ADTRP: variants seen among roughly 807,000 people sequenced by gnomAD.
ADTRP encodes androgen dependent TFPI regulating protein.
Under a neutral mutation model 27.0 loss-of-function variants are expected in ADTRP, and 20 were observed. The ratio of observed to expected loss-of-function variants is 0.74; its 90% CI spans 0.52 to 1.08. The LOEUF is 1.08. Ranked by LOEUF, ADTRP falls within the 50% of genes least tolerant of loss-of-function variation. ADTRP has a pLI of 0.00. For synonymous variants in ADTRP, 101 were observed against 105.2 expected (o/e 0.96, Z 0.25); for missense variants, 251 against 275.0 (o/e 0.91, Z 0.62).
intron 4 of ADTRP, among the ~76,000 whole-genome samples, chr6:11,724,313 CG>C (rs1420452021): frequency 6.6e-6 from 1 of 152,102 alleles, no homozygotes; most frequent in African/African-American, 2.4e-5. Context: ...AGAGATAGAG[CG>C]TTATTGCCCT....
chr6:11,772,702 A>T (rs1360336307), intron 1 of ADTRP, among the ~76,000 whole-genome samples: 1 of 152,240 alleles, frequency 6.6e-6, no homozygotes, highest in East Asian at 1.9e-4. Flanking sequence ...AGAAGAAAAC[A>T]GCAATTGGGG....
chr6:11,771,012 T>C (rs561801318), intron 1 of ADTRP, among the ~76,000 whole-genome samples: 1 of 152,326 alleles, frequency 6.6e-6, no homozygotes, highest in Non-Finnish European at 1.5e-5. Flanking sequence ...CCATGTGACC[T>C]GCTTTCCTCA....
At chr6:11,762,087 T>A (rs1434170260) in intron 3 of ADTRP, among the ~76,000 whole-genome samples, 2 of 152,220 alleles carry the variant, frequency 1.3e-5, no homozygotes, top group Non-Finnish European at 2.9e-5. Context: ...GCTAATGATA[T>A]CATCTTGCAT....
At chr6:11,750,278 T>G (rs186782396) in intron 3 of ADTRP, among the ~76,000 whole-genome samples, 24 of 152,374 alleles carry the variant, frequency 1.6e-4, no homozygotes, top group South Asian at 6.2e-4. Context: ...GTTAAATCCC[T>G]GAATGGCGGA....
chr6:11,714,406 GA>G lies in ADTRP; in HGVS notation c.*71del, dbSNP rs35108078. The stretch of plus-strand genomic sequence containing the variant: ...GTTCCTCCACCACCTCCCTCCACCA[GA>G]AAAAAAAAAAAAAGATGAGAAAAAT... On this transcript the variant is annotated 3_prime_UTR_variant, in exon 6 of 6. Coordinates refer to ENST00000414691, the MANE Select transcript of ADTRP (RefSeq NM_032744.4). 8.4e-3 allele frequency: 11,302 copies of G among 1,349,134 alleles called. No homozygotes were observed. Among genetic ancestry groups the G allele is most frequent in the East Asian group, 0.023 (933 of 39,776 alleles). The allele number at this position is 1,349,134 out of a possible 1,614,324, so 83.6% of individuals were successfully genotyped here.
At chr6:11,753,367 T>G (rs1215068578) in intron 3 of ADTRP, among the ~76,000 whole-genome samples, 1 of 152,172 alleles carries the variant, frequency 6.6e-6, no homozygotes, top group Non-Finnish European at 1.5e-5. Flanking sequence ...TGAAGATGAT[T>G]AGGTTATATG....
chr6:11,773,814 C>T (rs1763862315), intron 1 of ADTRP, among the ~76,000 whole-genome samples: 1 of 152,214 alleles, frequency 6.6e-6, no homozygotes, highest in Non-Finnish European at 1.5e-5. Context: ...GCCAGGTCTT[C>T]AATCACTCAT....
At chr6:11,720,194 T>C (rs58718544) in intron 5 of ADTRP, among the ~76,000 whole-genome samples, 8,739 of 152,270 alleles carry the variant, frequency 0.057, 865 homozygotes, top group African/African-American at 0.2. Context: ...AGGGAAAACA[T>C]AGGCTTAGCT....
intron 3 of ADTRP, among the ~76,000 whole-genome samples, chr6:11,757,153 C>G (rs1033278614): frequency 6.6e-6 from 1 of 152,166 alleles, no homozygotes; most frequent in Admixed American, 6.5e-5. Flanking sequence ...CAGTATATTT[C>G]CAGTGTTTCC....
At chr6:11,717,481 G>A in intron 5 of ADTRP, 2 of 1,256,964 alleles carry the variant, frequency 1.6e-6, no homozygotes, top group Non-Finnish European at 2.1e-6. Context: ...ATAATTATAT[G>A]CCTTATTATT....
Position 11,735,698 on chromosome 6 carries a change from A to G in ADTRP, c.391-15T>C. The G allele has an allele frequency of 6.3e-7, 1 of 1,584,214 alleles. No homozygotes were observed. Among genetic ancestry groups the G allele is most frequent in the Non-Finnish European group, 8.7e-7 (1 of 1,153,382 alleles). Reference sequence around the variant, plus strand: ...ATGAAAGTGTGCTGCAGGAGAGAAAATGGCAAATCAGAATGGCAGGGTGTC... The same window carrying G: ...ATGAAAGTGTGCTGCAGGAGAGAAAGTGGCAAATCAGAATGGCAGGGTGTC... On this transcript the variant is annotated splice_polypyrimidine_tract_variant and intron_variant, in intron 3 of 5. Transcript: ENST00000414691.
intron 1 of ADTRP, among the ~76,000 whole-genome samples, chr6:11,776,399 G>A (rs907333377): frequency 1.3e-5 from 2 of 152,158 alleles, no homozygotes; most frequent in African/African-American, 4.8e-5. Flanking sequence ...AATATAGACA[G>A]TTAGGGTTGG....
At chr6:11,748,420 A>G (rs1163361223) in intron 3 of ADTRP, among the ~76,000 whole-genome samples, 2 of 152,206 alleles carry the variant, frequency 1.3e-5, no homozygotes, top group African/African-American at 2.4e-5. Context: ...GTAAGAGATG[A>G]AGTCTTCATT....
intron 2 of ADTRP, among the ~76,000 whole-genome samples, chr6:11,766,788 G>A (rs1763586454): frequency 6.6e-6 from 1 of 152,122 alleles, no homozygotes; most frequent in African/African-American, 2.4e-5. Flanking sequence ...CCTCTAAATA[G>A]GCATGGCTAG....
chr6:11,724,476 G>A (rs1762125364), intron 4 of ADTRP, among the ~76,000 whole-genome samples: 1 of 152,186 alleles, frequency 6.6e-6, no homozygotes, highest in African/African-American at 2.4e-5. Flanking sequence ...TGGAAGCCGA[G>A]AGAAGGAAAA....
In ADTRP at chr6:11,725,899, C is replaced by CA. The variant is rs59048593; in HGVS notation, c.507-2400dup. Among the ~76,000 whole-genome samples the CA allele has an allele frequency of 3.7e-3, 336 of 89,892 alleles. 4 individuals carry two copies. The highest frequency in any genetic ancestry group is 7.9e-3 in the African/African-American group (187 of 23,644). 59.0% of individuals were successfully genotyped at this position (89,892 alleles called of 152,430 possible). On this transcript the variant is annotated intron_variant, in intron 4 of 5. Coordinates refer to ENST00000414691, the MANE Select transcript of ADTRP (RefSeq NM_032744.4). ...TGGGCGAGAGAATGAGACTCTATCT[C>CA]AAAAAAAAAAAAAAAAGGAATTGAA... is the stretch of plus-strand genomic sequence containing the variant.
intron 5 of ADTRP, chr6:11,717,008 G>A (rs1561737159): frequency 1.4e-5 from 3 of 219,174 alleles, no homozygotes; most frequent in East Asian, 2.9e-4. Flanking sequence ...TTACAGGTGT[G>A]AGCCACCGCA....
intron 1 of ADTRP, among the ~76,000 whole-genome samples, chr6:11,772,359 A>C (rs1430305623): frequency 6.6e-6 from 1 of 152,248 alleles, no homozygotes; most frequent in Non-Finnish European, 1.5e-5. Context: ...CAGTTAAAGG[A>C]TATTTAGTTT....
intron 3 of ADTRP, among the ~76,000 whole-genome samples, chr6:11,739,847 C>T (rs191378197): frequency 6.6e-6 from 1 of 152,250 alleles, no homozygotes; most frequent in Non-Finnish European, 1.5e-5. Context: ...CATGGAAGCT[C>T]CAGAAACTGA....
Sources: allele counts gnomAD v4.1 joint callset (sites outside exome capture counted in the v4.1 genomes callset), GRCh38; gene constraint gnomAD v4.1.1; transcripts MANE v1.5; gene names NCBI Gene and HGNC (gene_info 2026-07-23, HGNC 2026-07-21).